The following FOXP2 variants were observed in gnomAD, a reference collection of about 807,000 sequenced individuals.
FOXP2 encodes the protein forkhead box protein P2.
FOXP2 carries 12 observed loss-of-function variants against 115.8 expected under a neutral mutation model. The observed-to-expected ratio is 0.10, with a 90% CI of 0.07 to 0.17. FOXP2 has a LOEUF of 0.17. Ranked by LOEUF, FOXP2 falls within the 10% of genes least tolerant of loss-of-function variation. The pLI is 1.00. For missense variants in FOXP2, 629 were observed against 843.5 expected (o/e 0.75, Z 3.15); for synonymous variants, 328 against 297.7 (o/e 1.10, Z -1.05).
chr7:114,145,493 T>TTTC (rs1364812860), intron 1 of FOXP2, among the ~76,000 whole-genome samples: 1 of 146,340 alleles, frequency 6.8e-6, no homozygotes, highest in East Asian at 2.0e-4. Context: ...TTTCTTTTCT[T>TTTC]TTCTTTCCTT....
intron 3 of FOXP2, among the ~76,000 whole-genome samples, chr7:114,547,573 C>T (rs538111804): frequency 5.9e-5 from 9 of 151,994 alleles, no homozygotes; most frequent in Admixed American, 6.6e-5. Context: ...CTGAATAACA[C>T]GGTGAAACCC....
chr7:114,131,533 C>T (rs757618911), intron 1 of FOXP2, among the ~76,000 whole-genome samples: 3 of 151,058 alleles, frequency 2.0e-5, no homozygotes, highest in Non-Finnish European at 2.9e-5. Context: ...CTACATTAGT[C>T]GAGCCTGCTG....
intron 1 of FOXP2, among the ~76,000 whole-genome samples, chr7:114,107,724 G>A (rs1398568362): frequency 1.3e-5 from 2 of 151,968 alleles, no homozygotes; most frequent in Non-Finnish European, 2.9e-5. Context: ...GTTACTGTGT[G>A]TGGGTAGTAA....
chr7:114,343,081 T>G (rs1353502375), intron 2 of FOXP2, among the ~76,000 whole-genome samples: 1 of 151,656 alleles, frequency 6.6e-6, no homozygotes, highest in East Asian at 1.9e-4. Flanking sequence ...TTGTTTGTTT[T>G]TAATGTCATC....
intron 2 of FOXP2, among the ~76,000 whole-genome samples, chr7:114,466,553 A>G (rs990944123): frequency 2.6e-5 from 4 of 152,170 alleles, no homozygotes; most frequent in African/African-American, 9.6e-5. Flanking sequence ...ATTCCCAGCT[A>G]AAACTTTCCT....
At chr7:114,308,379 C>T (rs868114459) in intron 2 of FOXP2, among the ~76,000 whole-genome samples, 3 of 152,070 alleles carry the variant, frequency 2.0e-5, no homozygotes, top group African/African-American at 4.8e-5. Context: ...TAGGTCTCCT[C>T]GTAAGTGAGG....
intron 5 of FOXP2, 114 bp from the exon 6 acceptor site, chr7:114,631,414 G>C: frequency 4.6e-6 from 7 of 1,526,268 alleles, no homozygotes; most frequent in Non-Finnish European, 6.2e-6. Flanking sequence ...TTTGACTATG[G>C]GATGACCAAA....
intron 3 of FOXP2, among the ~76,000 whole-genome samples, chr7:114,606,587 C>T (rs1803344924): frequency 2.0e-5 from 3 of 152,144 alleles, no homozygotes; most frequent in South Asian, 4.2e-4. Context: ...TTCCTTTTGC[C>T]CTCTCCTCAT....
At chr7:114,266,261 A>G (rs1175200520) in intron 1 of FOXP2, among the ~76,000 whole-genome samples, 2 of 151,744 alleles carry the variant, frequency 1.3e-5, no homozygotes, top group Non-Finnish European at 2.9e-5. Context: ...TCACCTCCAC[A>G]TTTTCAGGTA....
intron 1 of FOXP2, among the ~76,000 whole-genome samples, chr7:114,282,516 A>G (rs1796364939): frequency 6.6e-6 from 1 of 152,180 alleles, no homozygotes; most frequent in African/African-American, 2.4e-5. Flanking sequence ...TTTATATCTT[A>G]CTATCTATTC....
Position 114,658,155 on chromosome 7 carries a change from C to T in FOXP2, c.1356C>T (p.Ala452=). 6.2e-7 allele frequency: 1 copy of T among 1,613,916 alleles called. No individual in the cohort carries two copies. Among genetic ancestry groups the T allele is most frequent in the Non-Finnish European group, 8.5e-7 (1 of 1,179,906 alleles). Residue 452 remains alanine, a synonymous_variant, in exon 11 of 17, where the codon GCC becomes GCT. Coordinates refer to ENST00000350908, the MANE Select transcript of FOXP2 (RefSeq NM_014491.4). The part of the protein sequence containing the change: ...SLPQTPTTPT[A]PVTPITQGPS... Reference sequence around the variant, plus strand: ...CTCAAACCCCTACCACACCAACGGCCCCAGTCACCCCGATTACCCAGGGAC... The same window carrying T: ...CTCAAACCCCTACCACACCAACGGCTCCAGTCACCCCGATTACCCAGGGAC...
chr7:114,212,868 G>A (rs2129162121), intron 1 of FOXP2, among the ~76,000 whole-genome samples: 1 of 152,176 alleles, frequency 6.6e-6, no homozygotes, highest in East Asian at 1.9e-4. Context: ...GAAGTAAATG[G>A]GCTTTCTTGG....
intron 1 of FOXP2, among the ~76,000 whole-genome samples, chr7:114,271,253 A>G (rs1042985529): frequency 6.6e-6 from 1 of 151,234 alleles, no homozygotes; most frequent in Non-Finnish European, 1.5e-5. Context: ...TTTTTTCCCA[A>G]TATGTATACT....
chr7:114,690,961 T>A lies in FOXP2; in HGVS notation c.*1035T>A, dbSNP rs1808637687. 1 of 454,290 alleles carries A rather than the reference T, an allele frequency of 2.2e-6. No individual in the cohort carries two copies. The highest frequency in any genetic ancestry group is 2.0e-5 in the African/African-American group (1 of 49,968). The allele number at this position is 454,290 out of a possible 1,614,324, so 28.1% of individuals were successfully genotyped here. On this transcript the variant is annotated 3_prime_UTR_variant, in exon 17 of 17. Transcript: ENST00000350908. The stretch of plus-strand genomic sequence containing the variant: ...AAAAAATGTTAATTCAGTCACAGAG[T>A]AATCTTCTGAGGCCAAAAGTCCATC...
intron 2 of FOXP2, among the ~76,000 whole-genome samples, chr7:114,469,639 G>T (rs1043210807): frequency 1.3e-5 from 2 of 152,166 alleles, no homozygotes; most frequent in African/African-American, 4.8e-5. Context: ...TAAAAAGGAA[G>T]CAGATGTTTT....
At chr7:114,683,348 G>T (rs1808197358) in intron 16 of FOXP2, among the ~76,000 whole-genome samples, 2 of 152,178 alleles carry the variant, frequency 1.3e-5, no homozygotes, top group African/African-American at 4.8e-5. Context: ...GACAGTGCAT[G>T]TGATTAAGGC....
intron 2 of FOXP2, among the ~76,000 whole-genome samples, chr7:114,437,178 A>G (rs994682179): frequency 6.6e-6 from 1 of 152,090 alleles, no homozygotes; most frequent in Non-Finnish European, 1.5e-5. Flanking sequence ...GATTTTTAGT[A>G]TTTATTGACA....
intron 1 of FOXP2, among the ~76,000 whole-genome samples, chr7:114,146,815 C>T (rs1317507467): frequency 6.6e-6 from 1 of 152,062 alleles, no homozygotes; most frequent in African/African-American, 2.4e-5. Context: ...TCATTATCAC[C>T]CTACAGTTAT....
At chr7:114,605,422 T>A (rs1584944482) in intron 3 of FOXP2, among the ~76,000 whole-genome samples, 1 of 152,194 alleles carries the variant, frequency 6.6e-6, no homozygotes, top group East Asian at 1.9e-4. Flanking sequence ...CAAAAGCATT[T>A]TGCCAGATTG....
Sources: gnomAD v4.1 joint callset for allele counts (sites outside exome capture counted in the v4.1 genomes callset) on GRCh38, gnomAD v4.1.1 for gene constraint, MANE v1.5 for transcripts, NCBI Gene and HGNC (gene_info 2026-07-23, HGNC 2026-07-21) for gene names.